The following BSN variants were observed in gnomAD, a reference collection of about 807,000 sequenced individuals.
The protein encoded by BSN is protein bassoon.
In BSN, 57 loss-of-function variants were observed where a neutral mutation model predicts 264.8. That is an observed-to-expected ratio of 0.22 (90% CI 0.17 to 0.27). BSN has a LOEUF of 0.27. BSN is among the 10% of genes least tolerant of loss of function. The probability of loss-of-function intolerance (pLI) is 1.00; values close to 1 mark genes in which losing one functional copy is unlikely to be tolerated. For missense variants in BSN, 4,615 were observed against 5,232.5 expected (o/e 0.88, Z 3.64); for synonymous variants, 2,059 against 2,137.3 (o/e 0.96, Z 1.01).
At position 49,642,180 on chromosome 3, in the gene BSN, C is replaced by T; in HGVS notation, c.634-88C>T. ...GTGCTCCTGCCTGTGCTAGGAGTGG[C>T]CTTGGCTGCTGTGGGGCCTGCACTG... On this transcript the variant is annotated intron_variant, in intron 2 of 11. Transcript: ENST00000296452. This position sits in a 1 kb window ranked among gnomAD's most constrained non-coding sequence, Gnocchi z 7.0. 15 of 1,101,906 alleles carry T rather than the reference C, an allele frequency of 1.4e-5. No homozygotes were observed. In the South Asian group the frequency reaches 2.8e-4, roughly 20 times the overall value. 68.3% of individuals were successfully genotyped at this position (1,101,906 alleles called of 1,614,324 possible).
At chr3:49,665,468 C>A (rs375649804) in intron 11 of BSN, 150 bp downstream of exon 11, 1 of 152,296 alleles carries the variant, frequency 6.6e-6, no homozygotes, top group Admixed American at 6.5e-5. Flanking sequence ...CCCTCTACCC[C>A]GCAGAGGCAG....
intron 1 of BSN, among the ~76,000 whole-genome samples, chr3:49,575,247 G>T (rs1259225417): frequency 6.6e-6 from 1 of 151,700 alleles, no homozygotes; most frequent in Admixed American, 6.6e-5. Context: ...CCAGCTACTA[G>T]GGAGGCTGAG....
At position 49,662,357 on chromosome 3, in the gene BSN, G is replaced by C; in HGVS notation, c.10512G>C (p.Glu3504Asp). The part of the protein sequence containing the change: ...RPPMRSQASE[E>D]ESPVSPLGRP... ...CCATGCGGAGCCAGGCCTCTGAAGA[G>C]GAGAGCCCCGTCAGTCCTTTGGGGA... Residue 3504 changes from glutamate (E) to aspartate (D), a missense_variant, in exon 6 of 12, where the codon GAG becomes GAC. This residue lies in a region of BSN where 3,415 missense variants were observed against 3,866.4 expected (regional missense o/e 0.88). Transcript: ENST00000296452. 1 of 1,613,542 alleles carries C rather than the reference G, an allele frequency of 6.2e-7. No individual in the cohort carries two copies. The highest frequency in any genetic ancestry group is 8.5e-7 in the Non-Finnish European group (1 of 1,179,786).
Position 49,625,060 on chromosome 3 carries a change from C to T in BSN, c.310C>T (p.Pro104Ser), listed in dbSNP as rs2052332055. Residue 104 changes from proline (P) to serine (S), a missense_variant, in exon 2 of 12, where the codon CCT becomes TCT. Coordinates refer to ENST00000296452, the MANE Select transcript of BSN (RefSeq NM_003458.4). The surrounding 1 kb of genome is among the most constrained non-coding windows in gnomAD (Gnocchi z 4.4). ...TCCGAAGCAGGCTTCTGCTACCACTCCTGGCCATGAGAGCCCCCGAGAGAC... is the reference window on the plus strand; with the variant it reads ...TCCGAAGCAGGCTTCTGCTACCACTTCTGGCCATGAGAGCCCCCGAGAGAC... Reference protein sequence around the residue: ...PTPKQASATTPGHESPRETRA... With the variant: ...PTPKQASATTSGHESPRETRA... 6.2e-7 allele frequency: 1 copy of T among 1,605,484 alleles called. No individual in the cohort carries two copies. Among genetic ancestry groups the T allele is most frequent in the Non-Finnish European group, 8.5e-7 (1 of 1,176,490 alleles).
Position 49,655,402 on chromosome 3 carries a change from C to A in BSN, c.5846C>A (p.Pro1949His). 1 of 1,572,298 alleles carries A rather than the reference C, an allele frequency of 6.4e-7. No individual in the cohort carries two copies. The highest frequency in any genetic ancestry group is 1.7e-4 in the Middle Eastern group (1 of 5,850). The change falls in exon 5 of 12, where the codon CCT becomes CAT. Residue 1949 changes from proline to histidine, a missense_variant. Around this residue, in one of 3 missense-constraint regions of BSN, gnomAD observed 3,415 missense variants for 3,866.4 expected, o/e 0.88. Transcript: ENST00000296452. ...TTCTATGGTCCCCGGGACCCTGAGC[C>A]TCCTGAGCCCCCAACCTACCGGGCA... The part of the protein sequence containing the change: ...SPFYGPRDPE[P>H]PEPPTYRAQG...
Position 49,642,546 on chromosome 3 carries a change from T to C in BSN, c.912T>C (p.Pro304=). ...AAPPEVGRVS[P]QPPQPTKPST... is the part of the protein sequence containing the mutation. The stretch of plus-strand genomic sequence containing the variant: ...CTCCAGAGGTGGGGAGGGTGTCTCC[T>C]CAGCCCCCTCAACCCACCAAGCCTT... The change falls in exon 3 of 12, where the codon CCT becomes CCC. Residue 304 remains proline (P), a synonymous_variant. Coordinates refer to ENST00000296452, the MANE Select transcript of BSN (RefSeq NM_003458.4). This position sits in a 1 kb window ranked among gnomAD's most constrained non-coding sequence, Gnocchi z 7.0. The C allele has an allele frequency of 6.3e-7, 1 of 1,596,432 alleles. No individual in the cohort carries two copies. The highest frequency in any genetic ancestry group is 1.1e-5 in the South Asian group (1 of 89,376).
chr3:49,574,518 C>T (rs575862219), intron 1 of BSN, among the ~76,000 whole-genome samples: 2 of 151,954 alleles, frequency 1.3e-5, no homozygotes, highest in South Asian at 4.2e-4. Flanking sequence ...ACTGCAACCT[C>T]TGCCTCCTGG....
In BSN at chr3:49,650,677, G is replaced by T. The variant is rs755074504; in HGVS notation, c.1584G>T (p.Pro528=). The change falls in exon 4 of 12, where the codon CCG becomes CCT. Residue 528 remains proline, a synonymous_variant. Coordinates refer to ENST00000296452, the MANE Select transcript of BSN (RefSeq NM_003458.4). ...KRLLEGSLGE[P]TPLPPPTSQQ... is the part of the protein sequence containing the mutation. ...TACTGGAGGGCAGCCTAGGAGAGCC[G>T]ACCCCCCTGCCGCCGCCCACCTCAC... The T allele has an allele frequency of 1.2e-5, 19 of 1,609,930 alleles. No homozygotes were observed. In the Admixed American group the frequency reaches 2.7e-4, roughly 23 times the overall value.
intron 1 of BSN, among the ~76,000 whole-genome samples, chr3:49,578,045 T>G (rs757115313): frequency 6.6e-6 from 1 of 152,256 alleles, no homozygotes; most frequent in South Asian, 2.1e-4. Context: ...CTAAGTTTTC[T>G]TTTTTCATTT....
intron 1 of BSN, among the ~76,000 whole-genome samples, chr3:49,565,466 G>A (rs1032727265): frequency 1.5e-4 from 22 of 151,138 alleles, no homozygotes; most frequent in Admixed American, 9.9e-4. Flanking sequence ...GACTACAGCC[G>A]CCCGCCACTA....
At position 49,656,762 on chromosome 3, in the gene BSN, G is replaced by C; in HGVS notation, c.7206G>C (p.Gln2402His). The change falls in exon 5 of 12, where the codon CAG (glutamine) becomes CAC (histidine). Residue 2402 changes from glutamine to histidine, a missense_variant. By Grantham distance (24) the Gln-to-His change is conservative. This residue lies in a region of BSN where 3,415 missense variants were observed against 3,866.4 expected (regional missense o/e 0.88). Coordinates refer to ENST00000296452, the MANE Select transcript of BSN (RefSeq NM_003458.4). ...TAGAGCGGGAACGTGTGGAGCTGCA[G>C]AGGCACCGTGAGGAGGAGCAGCTGC... is the stretch of plus-strand genomic sequence containing the variant. ...EELERERVELQRHREEEQLLV... is the reference protein window; with the variant it reads ...EELERERVELHRHREEEQLLV... 1.3e-6 allele frequency: 2 copies of C among 1,579,730 alleles called. No homozygotes were observed. The highest frequency in any genetic ancestry group is 1.7e-6 in the Non-Finnish European group (2 of 1,162,730).
intron 1 of BSN, among the ~76,000 whole-genome samples, chr3:49,587,994 TAACTGCAACC>T (rs943973577): frequency 6.6e-6 from 1 of 151,518 alleles, no homozygotes; most frequent in African/African-American, 2.4e-5. Flanking sequence ...CAATCTCGGC[TAACTGCAACC>T]TTCGCCTCCT....
Position 49,657,836 on chromosome 3 carries a change from AAAG to A in BSN, c.8284_8286del (p.Lys2762del), listed in dbSNP as rs1439254237. 20 of 1,609,220 alleles carry A rather than the reference AAAG, an allele frequency of 1.2e-5. No homozygotes were observed. The highest frequency in any genetic ancestry group is 6.7e-5 in the African/African-American group (5 of 74,600). On this transcript the variant is annotated inframe_deletion, in exon 5 of 12. Transcript: ENST00000296452. Reference sequence around the variant, plus strand: ...CAGGGCCTCTGGGCAGATTTGAAAAAAAGAAGCCAGATCCCCTGGAGATTGGGT... The same window carrying A: ...CAGGGCCTCTGGGCAGATTTGAAAAAAAGCCAGATCCCCTGGAGATTGGGT...
rs1278743851 is a variant in BSN, at chr3:49,657,604, G to T, written c.8048G>T (p.Arg2683Met). The stretch of plus-strand genomic sequence containing the variant: ...CAGACGGAGCCTGACCAGCTGCCCA[G>T]GGTCTCTCCAGCCATCCACATCACA... ...SVQTEPDQLPRVSPAIHITAA... is the reference protein window; with the variant it reads ...SVQTEPDQLPMVSPAIHITAA... The change falls in exon 5 of 12, where the codon AGG (arginine) becomes ATG (methionine). Residue 2683 changes from arginine (R) to methionine (M), a missense_variant. Arg to Met is a moderately conservative substitution (Grantham distance 91). Around this residue, in one of 3 missense-constraint regions of BSN, gnomAD observed 3,415 missense variants for 3,866.4 expected, o/e 0.88. Transcript: ENST00000296452. 6.2e-7 allele frequency: 1 copy of T among 1,609,950 alleles called. No individual in the cohort carries two copies. The highest frequency in any genetic ancestry group is 8.5e-7 in the Non-Finnish European group (1 of 1,177,796).
Position 49,574,830 on chromosome 3 carries a change from G to A in BSN, c.224+20004G>A, listed in dbSNP as rs549695391. On this transcript the variant is annotated intron_variant, in intron 1 of 11. Coordinates refer to ENST00000296452, the MANE Select transcript of BSN (RefSeq NM_003458.4). ...TTTTTTCTTTTTAAGTAGAGATGGG[G>A]TTTCACCATGTTGGCCAGGCTGGTC... Among the ~76,000 whole-genome samples, 39 of 151,606 alleles carry A rather than the reference G, an allele frequency of 2.6e-4. 1 individual carries two copies. The highest frequency in any genetic ancestry group is 1.6e-4 in the Non-Finnish European group (11 of 67,912).
At chr3:49,667,527 A>C (rs2052721017) in intron 11 of BSN, 63 bp from the exon 12 acceptor site, 1 of 152,598 alleles carries the variant, frequency 6.6e-6, no homozygotes, top group African/African-American at 2.4e-5. Context: ...AGCTATCTAC[A>C]ATTCTTGACA....
Position 49,652,777 on chromosome 3 carries a change from C to A in BSN, c.3221C>A (p.Thr1074Asn), listed in dbSNP as rs190482341. The A allele has an allele frequency of 1.3e-6, 2 of 1,549,854 alleles. No homozygotes were observed. Among genetic ancestry groups the A allele is most frequent in the Admixed American group, 1.9e-5 (1 of 51,552 alleles). Residue 1074 changes from threonine (T) to asparagine (N), a missense_variant, in exon 5 of 12, where the codon ACC becomes AAC. Thr to Asn is a moderately conservative substitution (Grantham distance 65). Transcript: ENST00000296452. Reference protein sequence around the residue: ...QQRIRSTARKTRRDKEELRAQ... With the variant: ...QQRIRSTARKNRRDKEELRAQ... ...CGCATCCGCAGCACGGCCCGCAAGA[C>A]CCGGCGGGACAAGGAAGAACTGCGG...
chr3:49,624,980 C>A lies in BSN; in HGVS notation c.230C>A (p.Ser77Tyr). The change falls in exon 2 of 12, where the codon TCC becomes TAC. Residue 77 changes from serine to tyrosine, a missense_variant. This residue lies in a region of BSN where 1,197 missense variants were observed against 1,348.0 expected (regional missense o/e 0.89). Transcript: ENST00000296452. ...PGPGPGPGST[S>Y]RRLDPKEPLG... ...CATTTTCAATGTCATTTCAGCACTTCCCGGAGACTGGACCCCAAGGAACCC... is the reference window on the plus strand; with the variant it reads ...CATTTTCAATGTCATTTCAGCACTTACCGGAGACTGGACCCCAAGGAACCC... 1 of 1,514,572 alleles carries A rather than the reference C, an allele frequency of 6.6e-7. No individual in the cohort carries two copies. Among genetic ancestry groups the A allele is most frequent in the Admixed American group, 2.3e-5 (1 of 42,810 alleles). The allele number at this position is 1,514,572 out of a possible 1,614,324, so 93.8% of individuals were successfully genotyped here.
intron 1 of BSN, among the ~76,000 whole-genome samples, chr3:49,570,562 G>C (rs372884062): frequency 3.9e-5 from 6 of 152,194 alleles, no homozygotes; most frequent in African/African-American, 1.2e-4. Flanking sequence ...CCCCCAGTTG[G>C]GGGTGAGGAG....
Sources: allele counts gnomAD v4.1 joint callset (sites outside exome capture counted in the v4.1 genomes callset), GRCh38; gene constraint gnomAD v4.1.1; regional missense constraint gnomAD v4.1.1; non-coding constraint Gnocchi (gnomAD v3.1); transcripts MANE v1.5; gene names NCBI Gene and HGNC (gene_info 2026-07-23, HGNC 2026-07-21).